ZSWIM9: variants seen among roughly 807,000 people sequenced by gnomAD.
The protein encoded by ZSWIM9 is uncharacterized protein ZSWIM9.
ZSWIM9 carries 11 observed loss-of-function variants against 25.0 expected under a neutral mutation model. That is an observed-to-expected ratio of 0.44 (90% CI 0.28 to 0.73). The LOEUF (loss-of-function observed/expected upper bound fraction) is 0.73, where lower values mean the gene tolerates loss of function less well. ZSWIM9 is among the 30% of genes least tolerant of loss of function. ZSWIM9 has a pLI of 0.16. For synonymous variants in ZSWIM9, 562 were observed against 582.1 expected, an observed-to-expected ratio of 0.97 and a Z score of 0.50; for missense variants, 1,070 against 1,296.5, an observed-to-expected ratio of 0.83 and a Z score of 2.68.
Position 48,197,235 on chromosome 19 carries a change from G to C in ZSWIM9, c.*408G>C, listed in dbSNP as rs1422986387. On this transcript the variant is annotated 3_prime_UTR_variant, in exon 4 of 4. Coordinates refer to ENST00000614654, the MANE Select transcript of ZSWIM9 (RefSeq NM_199341.4). ...GGGAGTGCAGCGGGGAGAGGGGAAA[G>C]GGAGAAAGTACAGAAGACAGATGAA... 3 of 702,396 alleles carry C rather than the reference G, an allele frequency of 4.3e-6. No homozygotes were observed. Among genetic ancestry groups the C allele is most frequent in the South Asian group, 3.0e-5 (2 of 67,542 alleles). 43.5% of individuals were successfully genotyped at this position (702,396 alleles called of 1,614,324 possible). A position where few individuals can be genotyped will look rare whatever the true frequency, so the allele number is the denominator to read the frequency against.
chr19:48,193,831 A>T (rs2037126513), intron 3 of ZSWIM9, among the ~76,000 whole-genome samples: 1 of 152,200 alleles, frequency 6.6e-6, no homozygotes, highest in Non-Finnish European at 1.5e-5. Context: ...AGATGCTCTT[A>T]TTATCATCAC....
chr19:48,185,719 A>T (rs2037003933), intron 3 of ZSWIM9, among the ~76,000 whole-genome samples: 1 of 152,070 alleles, frequency 6.6e-6, no homozygotes. Context: ...AGGCATGGTT[A>T]CTCACACCTG....
rs970224838 is a variant in ZSWIM9 at position 48,197,416 on chromosome 19, CAAAA to C, written c.*590_*593del. The C allele has an allele frequency of 8.0e-6, 5 of 628,056 alleles. No individual in the cohort carries two copies. The highest frequency in any genetic ancestry group is 1.9e-5 in the South Asian group (1 of 53,664). The allele number at this position is 628,056 out of a possible 1,614,324, so 38.9% of individuals were successfully genotyped here. A position where few individuals can be genotyped will look rare whatever the true frequency, so the allele number is the denominator to read the frequency against. ...GGGGGAAGAAAAATCGGAGATGAGA[CAAAA>C]GAAATGTGTGGGAGACGGGTAGAGA... On this transcript the variant is annotated 3_prime_UTR_variant, in exon 4 of 4. Coordinates refer to ENST00000614654, the MANE Select transcript of ZSWIM9 (RefSeq NM_199341.4).
chr19:48,174,549 A>C (rs928976238), intron 2 of ZSWIM9: 2 of 152,206 alleles, frequency 1.3e-5, no homozygotes, highest in African/African-American at 4.8e-5. Flanking sequence ...TGGGAGACAT[A>C]ATAGTGTCTA....
At chr19:48,176,578 A>G (rs1372838662) in intron 2 of ZSWIM9, among the ~76,000 whole-genome samples, 1 of 151,626 alleles carries the variant, frequency 6.6e-6, no homozygotes. Flanking sequence ...TCCTTCCCTC[A>G]TCTTTATTTC....
chr19:48,182,488 C>T lies in ZSWIM9; in HGVS notation c.309C>T (p.Ile103=), dbSNP rs2036958920. Reference sequence around the variant, plus strand: ...AGCCCGGCTGCCCCGCCTTCATCATCGTCAAGCTGAGCCCGCTGCGGGACC... The same window carrying T: ...AGCCCGGCTGCCCCGCCTTCATCATTGTCAAGCTGAGCCCGCTGCGGGACC... ...PPQPGCPAFI[I]VKLSPLRDRL... Residue 103 remains isoleucine, a synonymous_variant, in exon 3 of 4, where the codon ATC becomes ATT. Coordinates refer to ENST00000614654, the MANE Select transcript of ZSWIM9 (RefSeq NM_199341.4). This position sits in a 1 kb window ranked among gnomAD's most constrained non-coding sequence, Gnocchi z 4.6. The T allele has an allele frequency of 2.6e-6, 4 of 1,535,448 alleles. No homozygotes were observed. The highest frequency in any genetic ancestry group is 2.6e-6 in the Non-Finnish European group (3 of 1,146,498).
chr19:48,171,943 C>T lies in ZSWIM9; in HGVS notation c.141C>T (p.Val47=). Residue 47 remains valine (V), a synonymous_variant, in exon 2 of 4, where the codon GTC becomes GTT. Coordinates refer to ENST00000614654, the MANE Select transcript of ZSWIM9 (RefSeq NM_199341.4). ...WCQQRLALFF[V]KSSMHLARCR... ...AGCAGCGGCTGGCGCTCTTCTTCGT[C>T]AAGAGCTCCATGCACCTGGCGCGCT... is the stretch of plus-strand genomic sequence containing the variant. 1 of 1,535,838 alleles carries T rather than the reference C, an allele frequency of 6.5e-7. No homozygotes were observed. The highest frequency in any genetic ancestry group is 8.7e-7 in the Non-Finnish European group (1 of 1,146,690).
At chr19:48,187,498 ATATTATAT>A in intron 3 of ZSWIM9, among the ~76,000 whole-genome samples, 1 of 3,274 alleles carries the variant, frequency 3.1e-4, no homozygotes, top group South Asian at 0.016. Context: ...ATATTATAAT[ATATTATAT>A]TATATTATAT....
At position 48,197,149 on chromosome 19, in the gene ZSWIM9, G is replaced by C. The variant is rs568071608; in HGVS notation, c.*322G>C. ...AGAAGGAAGGAAAGGGGCAGAGCTG[G>C]GGGGAGGGGGAGGAAGCGATCATAT... On this transcript the variant is annotated 3_prime_UTR_variant, in exon 4 of 4. Transcript: ENST00000614654. The C allele has an allele frequency of 1.8e-3, 1,265 of 695,018 alleles. 3 individuals carry two copies. Among genetic ancestry groups the C allele is most frequent in the Non-Finnish European group, 2.9e-3 (1,112 of 381,246 alleles). 43.1% of individuals were successfully genotyped at this position (695,018 alleles called of 1,614,324 possible).
chr19:48,192,585 C>T (rs1302641205), intron 3 of ZSWIM9, among the ~76,000 whole-genome samples: 1 of 147,666 alleles, frequency 6.8e-6, no homozygotes, highest in Non-Finnish European at 1.5e-5. Flanking sequence ...GCATGTTCTC[C>T]CACCTACTGC....
At chr19:48,185,564 A>G (rs931458749) in intron 3 of ZSWIM9, among the ~76,000 whole-genome samples, 2 of 152,228 alleles carry the variant, frequency 1.3e-5, no homozygotes, top group African/African-American at 4.8e-5. Context: ...GTATGTGGTG[A>G]AAAGTCTTAT....
At position 48,194,509 on chromosome 19, in the gene ZSWIM9, C is replaced by T. The variant is rs539097784; in HGVS notation, c.589-144C>T. 16 of 850,892 alleles carry T rather than the reference C, an allele frequency of 1.9e-5. No homozygotes were observed. In the Admixed American group the frequency reaches 2.0e-4, roughly 11 times the overall value. 52.7% of individuals were successfully genotyped at this position (850,892 alleles called of 1,614,324 possible). A position where few individuals can be genotyped will look rare whatever the true frequency, so the allele number is the denominator to read the frequency against. ...ACCATTTCCCTGCACTGCCTCCTGC[C>T]GGTCAAAAGAATAAATGCATATGCA... On this transcript the variant is annotated intron_variant, in intron 3 of 3. Coordinates refer to ENST00000614654, the MANE Select transcript of ZSWIM9 (RefSeq NM_199341.4). The surrounding 1 kb of genome is among the most constrained non-coding windows in gnomAD (Gnocchi z 6.0).
At chr19:48,191,352 G>A (rs544348563) in intron 3 of ZSWIM9, among the ~76,000 whole-genome samples, 8 of 152,028 alleles carry the variant, frequency 5.3e-5, no homozygotes, top group Admixed American at 1.3e-4. Context: ...TTACAGGCGC[G>A]CACCACCACG....
rs1413256990 is a variant in ZSWIM9, at chr19:48,196,055, G to C, written c.1991G>C (p.Arg664Thr). 1.6e-6 allele frequency: 2 copies of C among 1,261,964 alleles called. No individual in the cohort carries two copies. The highest frequency in any genetic ancestry group is 2.0e-6 in the Non-Finnish European group (2 of 1,006,072). The allele number at this position is 1,261,964 out of a possible 1,614,324, so 78.2% of individuals were successfully genotyped here. The change falls in exon 4 of 4, where the codon AGG (arginine) becomes ACG (threonine). Residue 664 changes from arginine (R) to threonine (T), a missense_variant. By Grantham distance (71) the Arg-to-Thr change is moderately conservative (BLOSUM62 -1). This residue lies in a region of ZSWIM9 where 583 missense variants were observed against 624.7 expected (regional missense o/e 0.93). Coordinates refer to ENST00000614654, the MANE Select transcript of ZSWIM9 (RefSeq NM_199341.4). ...AGGGGGCTGGAGGTCAGAAACTTGA[G>C]GGGGATCCCCTTGGAGAAGTCCCTG... ...KGRGLEVRNL[R>T]GIPLEKSLEL...
chr19:48,185,666 G>A (rs943446134), intron 3 of ZSWIM9, among the ~76,000 whole-genome samples: 3 of 152,086 alleles, frequency 2.0e-5, no homozygotes, highest in Non-Finnish European at 4.4e-5. Context: ...AGCACTGCCC[G>A]GTGGAACTTT....
intron 3 of ZSWIM9, among the ~76,000 whole-genome samples, chr19:48,188,534 C>G (rs1386795708): frequency 6.6e-6 from 1 of 151,896 alleles, no homozygotes; most frequent in East Asian, 1.9e-4. Flanking sequence ...ACCTTTAACA[C>G]CTTTTATCAC....
chr19:48,182,816 C>A lies in ZSWIM9; in HGVS notation c.588+49C>A, dbSNP rs1213330202. ...CGGGGGAGGGGGCGGGGGAAAGCCG[C>A]GCTGAAGACTCGTGGGTCATTCATG... On this transcript the variant is annotated intron_variant, in intron 3 of 3. Transcript: ENST00000614654. The surrounding 1 kb of genome is among the most constrained non-coding windows in gnomAD (Gnocchi z 4.6). 7 of 1,360,754 alleles carry A rather than the reference C, an allele frequency of 5.1e-6. No homozygotes were observed. The Admixed American group carries it at 8.8e-5, about 17-fold the overall frequency. 84.3% of individuals were successfully genotyped at this position (1,360,754 alleles called of 1,614,324 possible). A position where few individuals can be genotyped will look rare whatever the true frequency, so the allele number is the denominator to read the frequency against.
Position 48,195,015 on chromosome 19 carries a change from C to T in ZSWIM9, c.951C>T (p.Cys317=), listed in dbSNP as rs1320343641. Residue 317 remains cysteine (C), a synonymous_variant, in exon 4 of 4, where the codon TGC becomes TGT. Transcript: ENST00000614654. The surrounding 1 kb of genome is among the most constrained non-coding windows in gnomAD (Gnocchi z 5.8). ...QLLPCARVQI[C]RAQGLETLFS... is the part of the protein sequence containing the mutation. The stretch of plus-strand genomic sequence containing the variant: ...TGCCCTGCGCGCGCGTGCAGATCTG[C>T]CGCGCGCAGGGCCTGGAGACGCTCT... 1 of 1,365,818 alleles carries T rather than the reference C, an allele frequency of 7.3e-7. No individual in the cohort carries two copies. The highest frequency in any genetic ancestry group is 1.5e-5 in the South Asian group (1 of 66,564). The allele number at this position is 1,365,818 out of a possible 1,614,324, so 84.6% of individuals were successfully genotyped here.
At chr19:48,192,498 T>TACACACACACAC (rs1555787892) in intron 3 of ZSWIM9, among the ~76,000 whole-genome samples, 1 of 20,758 alleles carries the variant, frequency 4.8e-5, no homozygotes, top group Admixed American at 7.6e-4. Context: ...TATATATATA[T>TACACACACACAC]ACACACACAC....
Sources: gnomAD v4.1 joint callset for allele counts (sites outside exome capture counted in the v4.1 genomes callset) on GRCh38, gnomAD v4.1.1 for gene constraint, gnomAD v4.1.1 regional missense constraint, Gnocchi (gnomAD v3.1) non-coding constraint, MANE v1.5 for transcripts, NCBI Gene and HGNC (gene_info 2026-07-23, HGNC 2026-07-21) for gene names.